The following TSNARE1 variants were observed in gnomAD, a reference collection of about 807,000 sequenced individuals.
The protein encoded by TSNARE1 is t-SNARE domain-containing protein 1.
Under a neutral mutation model 62.0 loss-of-function variants are expected in TSNARE1, and 49 were observed. The observed-to-expected ratio is 0.79, with a 90% CI of 0.63 to 1.00. The LOEUF (loss-of-function observed/expected upper bound fraction) is 1.00, where lower values mean the gene tolerates loss of function less well. Ranked by LOEUF, TSNARE1 falls within the 50% of genes least tolerant of loss-of-function variation. The pLI is 0.00. For missense variants in TSNARE1, 755 were observed against 700.1 expected (o/e 1.08, Z -0.88); for synonymous variants, 328 against 294.4 (o/e 1.11, Z -1.17).
At chr8:142,300,839 G>A (rs1022848815) in intron 9 of TSNARE1, among the ~76,000 whole-genome samples, 195 bp from the exon 10 acceptor site, 15 of 152,148 alleles carry the variant, frequency 9.9e-5, no homozygotes, top group African/African-American at 1.9e-4. Flanking sequence ...CCTCCCAGGC[G>A]CCGGTCACCT....
chr8:142,337,941 C>T (rs1226454145), intron 4 of TSNARE1, among the ~76,000 whole-genome samples: 1 of 152,206 alleles, frequency 6.6e-6, no homozygotes, highest in African/African-American at 2.4e-5. Context: ...TGACTCTGGC[C>T]GGGGACCTAA....
intron 12 of TSNARE1, among the ~76,000 whole-genome samples, chr8:142,233,173 C>T (rs1817210880): frequency 6.6e-6 from 1 of 152,242 alleles, no homozygotes; most frequent in Non-Finnish European, 1.5e-5. Context: ...GCAGAGGGAC[C>T]TTCCTTAACG....
intron 6 of TSNARE1, among the ~76,000 whole-genome samples, chr8:142,329,718 G>A (rs1830741307): frequency 6.6e-6 from 1 of 152,220 alleles, no homozygotes; most frequent in Non-Finnish European, 1.5e-5. Flanking sequence ...TGTGAGGAAG[G>A]CTGGAGGGAA....
intron 12 of TSNARE1, among the ~76,000 whole-genome samples, chr8:142,251,247 A>C: frequency 7.5e-6 from 1 of 133,092 alleles, no homozygotes; most frequent in Non-Finnish European, 1.7e-5. Flanking sequence ...TGCACACCGC[A>C]GCCTGCCCCC....
intron 1 of TSNARE1, among the ~76,000 whole-genome samples, chr8:142,395,344 G>A (rs968668017): frequency 6.6e-6 from 1 of 152,146 alleles, no homozygotes; most frequent in Non-Finnish European, 1.5e-5. Flanking sequence ...AGGATGAGGG[G>A]ATGGGGCTGA....
At chr8:142,249,454 G>C (rs954705188) in intron 12 of TSNARE1, among the ~76,000 whole-genome samples, 1 of 152,150 alleles carries the variant, frequency 6.6e-6, no homozygotes, top group Admixed American at 6.5e-5. Flanking sequence ...TGGAAAGGGG[G>C]GTTTGGGTGG....
intron 13 of TSNARE1, among the ~76,000 whole-genome samples, chr8:142,212,598 C>T (rs1310709984): frequency 6.6e-6 from 1 of 152,062 alleles, no homozygotes; most frequent in African/African-American, 2.4e-5. Context: ...TTCCTGGCCG[C>T]ATCCATGTGC....
At chr8:142,231,055 A>T (rs1817092616) in intron 12 of TSNARE1, among the ~76,000 whole-genome samples, 1 of 151,732 alleles carries the variant, frequency 6.6e-6, no homozygotes, top group Non-Finnish European at 1.5e-5. Flanking sequence ...ATCCATCCAA[A>T]CATACACCCA....
At chr8:142,241,730 G>A (rs978958969) in intron 12 of TSNARE1, among the ~76,000 whole-genome samples, 3 of 152,188 alleles carry the variant, frequency 2.0e-5, no homozygotes, top group African/African-American at 7.2e-5. Flanking sequence ...CTTTGGCAAA[G>A]TTGTCACCAA....
At chr8:142,402,620 G>A (rs899274758) in intron 1 of TSNARE1, among the ~76,000 whole-genome samples, 3 of 152,390 alleles carry the variant, frequency 2.0e-5, no homozygotes, top group Admixed American at 2.0e-4. Flanking sequence ...AAGGCATGGA[G>A]AGGCAAGCAC....
chr8:142,246,395 C>T (rs1302809205), intron 12 of TSNARE1, among the ~76,000 whole-genome samples: 1 of 152,052 alleles, frequency 6.6e-6, no homozygotes, highest in Non-Finnish European at 1.5e-5. Flanking sequence ...GCTGTCCCTG[C>T]CCCCCACCAT....
chr8:142,365,631 CACAGAG>C (rs752159392), intron 1 of TSNARE1, among the ~76,000 whole-genome samples: 3,792 of 147,222 alleles, frequency 0.026, 45 homozygotes, highest in East Asian at 0.057. Context: ...CACACACACA[CACAGAG>C]AGAGAGAGGG....
At chr8:142,365,211 G>GTGTGTGACTGTGAGAAA (rs1030590417) in intron 1 of TSNARE1, among the ~76,000 whole-genome samples, 1 of 152,178 alleles carries the variant, frequency 6.6e-6, no homozygotes, top group African/African-American at 2.4e-5. Context: ...CCTGCCCAAA[G>GTGTGTGACTGTGAGAAA]TGTGTGACTG....
At chr8:142,380,898 G>A (rs989386206) in intron 1 of TSNARE1, among the ~76,000 whole-genome samples, 2 of 149,954 alleles carry the variant, frequency 1.3e-5, no homozygotes, top group Non-Finnish European at 2.9e-5. Flanking sequence ...AAAGGGGGGG[G>A]AATGCTGCAA....
intron 4 of TSNARE1, among the ~76,000 whole-genome samples, chr8:142,333,218 C>A (rs1307480422): frequency 6.6e-6 from 1 of 152,114 alleles, no homozygotes; most frequent in Non-Finnish European, 1.5e-5. Context: ...GTTCACTGTA[C>A]ATAAATGAAA....
At chr8:142,271,451 G>A (rs904463179) in intron 12 of TSNARE1, 39 of 1,260,818 alleles carry the variant, frequency 3.1e-5, no homozygotes, top group African/African-American at 6.2e-5. Flanking sequence ...AGATGCTGCC[G>A]CTGGGGTCCT....
intron 1 of TSNARE1, among the ~76,000 whole-genome samples, chr8:142,369,278 G>A (rs905885531): frequency 2.0e-5 from 3 of 152,132 alleles, no homozygotes; most frequent in Non-Finnish European, 4.4e-5. Flanking sequence ...ATATACTGAG[G>A]GTAAAAACAG....
intron 12 of TSNARE1, among the ~76,000 whole-genome samples, chr8:142,263,239 C>G (rs1312006877): frequency 6.6e-6 from 1 of 152,214 alleles, no homozygotes; most frequent in Non-Finnish European, 1.5e-5. Context: ...TCAATTGTAA[C>G]AAATACTTTC....
chr8:142,390,957 G>A (rs1333882433), intron 1 of TSNARE1, among the ~76,000 whole-genome samples: 10 of 102,350 alleles, frequency 9.8e-5, no homozygotes, highest in Admixed American at 1.1e-4. Context: ...GGACTCTATA[G>A]CAGACGCTGT....
Sources: allele counts gnomAD v4.1 joint callset (sites outside exome capture counted in the v4.1 genomes callset), GRCh38; gene constraint gnomAD v4.1.1; transcripts MANE v1.5; gene names NCBI Gene and HGNC (gene_info 2026-07-23, HGNC 2026-07-21).